LRRC45: variants seen among roughly 807,000 people sequenced by gnomAD.
LRRC45 encodes the protein leucine rich repeat containing 45, also known as leucine-rich repeat-containing protein 45.
LRRC45 carries 73 observed loss-of-function variants against 85.4 expected under a neutral mutation model. The ratio of observed to expected loss-of-function variants is 0.85; its 90% CI spans 0.71 to 1.04. LRRC45 has a LOEUF of 1.04. Ranked by LOEUF, LRRC45 falls within the 50% of genes least tolerant of loss-of-function variation. LRRC45 has a pLI of 0.00. For synonymous variants in LRRC45, 429 were observed against 386.0 expected (o/e 1.11, Z -1.31); for missense variants, 937 against 883.3 (o/e 1.06, Z -0.77).
intron 12 of LRRC45, 56 bp downstream of exon 12, chr17:82,028,739 G>C (rs2043390572): frequency 1.3e-6 from 2 of 1,547,144 alleles, no homozygotes; most frequent in African/African-American, 2.7e-5. Flanking sequence ...GTGTCACGCA[G>C]GTGTCCCCAA....
intron 1 of LRRC45, 119 bp downstream of exon 1, chr17:82,023,982 C>A: frequency 1.0e-6 from 1 of 983,318 alleles, no homozygotes; most frequent in Middle Eastern, 3.3e-4. Flanking sequence ...TTAAAGCGAG[C>A]AGGGGCGCCC....
rs1427294087 is a variant in LRRC45 at position 82,030,223 on chromosome 17, G to A, written c.1653G>A (p.Leu551=). 6 of 1,535,736 alleles carry A rather than the reference G, an allele frequency of 3.9e-6. No individual in the cohort carries two copies. In the African/African-American group the frequency reaches 4.1e-5, roughly 11 times the overall value. ...AAGTTGAGGGCCTGCGGCGGCGCCT[G>A]GAAGAGCTGCAGCAGGTAGGCGGGG... ...GLQVEGLRRR[L]EELQQELSLK... The change falls in exon 15 of 17, where the codon CTG becomes CTA. Residue 551 remains leucine (L), a synonymous_variant. Coordinates refer to ENST00000306688, the MANE Select transcript of LRRC45 (RefSeq NM_144999.4).
chr17:82,024,333 CT>C lies in LRRC45; in HGVS notation c.278del (p.Leu93Ter). ...CANTVLRFLDLKGNNLRAAGA... is the reference protein window; with the variant it reads ...CANTVLRFLDXKGNNLRAAGA... The stretch of plus-strand genomic sequence containing the variant: ...CCAACACCGTGCTGCGCTTTCTGGA[CT>C]TAAAGGTGAGATACCTGCACTCTTG... On this transcript the variant is annotated frameshift_variant, in exon 2 of 17. Coordinates refer to ENST00000306688, the MANE Select transcript of LRRC45 (RefSeq NM_144999.4). LOFTEE classifies it high-confidence loss of function. 1 of 1,612,404 alleles carries C rather than the reference CT, an allele frequency of 6.2e-7. No homozygotes were observed. The highest frequency in any genetic ancestry group is 8.5e-7 in the Non-Finnish European group (1 of 1,179,910).
At chr17:82,027,847 A>T (rs1180106609) in intron 8 of LRRC45, 96 bp downstream of exon 8, 3 of 1,536,244 alleles carry the variant, frequency 2.0e-6, no homozygotes, top group African/African-American at 1.4e-5. Context: ...TGCAAAGCAG[A>T]GGTGGGAAAT....
chr17:82,026,917 G>A lies in LRRC45; in HGVS notation c.680G>A (p.Ser227Asn). The change falls in exon 6 of 17, where the codon AGC becomes AAC. Residue 227 changes from serine (S) to asparagine (N), a missense_variant. Coordinates refer to ENST00000306688, the MANE Select transcript of LRRC45 (RefSeq NM_144999.4). ...TCTGCAGAGCAAGCCATGGGCCACAGCCAGGACCGGCTCACCACCTTCCAG... is the reference window on the plus strand; with the variant it reads ...TCTGCAGAGCAAGCCATGGGCCACAACCAGGACCGGCTCACCACCTTCCAG... ...LRAVEQAMGHSQDRLTTFQEN... is the reference protein window; with the variant it reads ...LRAVEQAMGHNQDRLTTFQEN... The A allele has an allele frequency of 6.2e-7, 1 of 1,605,944 alleles. No individual in the cohort carries two copies. The highest frequency in any genetic ancestry group is 8.5e-7 in the Non-Finnish European group (1 of 1,178,332).
In LRRC45 at chr17:82,030,445, G is replaced by T; in HGVS notation, c.1795G>T (p.Ala599Ser). The T allele has an allele frequency of 6.5e-7, 1 of 1,546,270 alleles. No homozygotes were observed. The highest frequency in any genetic ancestry group is 8.7e-7 in the Non-Finnish European group (1 of 1,146,976). The change falls in exon 16 of 17, where the codon GCC (alanine) becomes TCC (serine). Residue 599 changes from alanine to serine, a missense_variant. Ala to Ser is a moderately conservative substitution (Grantham distance 99). Coordinates refer to ENST00000306688, the MANE Select transcript of LRRC45 (RefSeq NM_144999.4). ...AQEALREKAA[A>S]LERQLKVMAS... is the part of the protein sequence containing the mutation. ...GGAGGCGCTGAGGGAGAAGGCGGCG[G>T]CCCTGGAGCGCCAGCTGAAAGGTGA... is the stretch of plus-strand genomic sequence containing the variant.
Position 82,030,966 on chromosome 17 carries a change from C to T in LRRC45, c.*161C>T. 2.1e-6 allele frequency: 1 copy of T among 486,008 alleles called. No homozygotes were observed. The highest frequency in any genetic ancestry group is 3.3e-6 in the Non-Finnish European group (1 of 305,512). 30.1% of individuals were successfully genotyped at this position (486,008 alleles called of 1,614,324 possible). The stretch of plus-strand genomic sequence containing the variant: ...GTGGTGTCGCGGCTGCGGGGGAACC[C>T]CGTGGGAGGCGCCTGGGAAGGGCTC... On this transcript the variant is annotated 3_prime_UTR_variant, in exon 17 of 17. Transcript: ENST00000306688.
At position 82,026,564 on chromosome 17, in the gene LRRC45, TTGTGTG is replaced by T. The variant is rs550616399; in HGVS notation, c.662-304_662-299del. Among the ~76,000 whole-genome samples the T allele has an allele frequency of 2.8e-3, 390 of 137,570 alleles. 3 individuals carry two copies. Among genetic ancestry groups the T allele is most frequent in the African/African-American group, 9.7e-3 (356 of 36,536 alleles). 90.3% of individuals were successfully genotyped at this position (137,570 alleles called of 152,430 possible). ...GCAGCCCCGGGGTGACACAGCTCCT[TTGTGTG>T]TGTGTGTGTGTGTGTGTGTGTGTGT... On this transcript the variant is annotated intron_variant, in intron 5 of 16. Coordinates refer to ENST00000306688, the MANE Select transcript of LRRC45 (RefSeq NM_144999.4).
intron 14 of LRRC45, 35 bp from the exon 15 acceptor site, chr17:82,030,030 C>T (rs921899669): frequency 2.0e-6 from 3 of 1,521,150 alleles, no homozygotes; most frequent in South Asian, 1.2e-5. Context: ...TCAGGCTGAG[C>T]CCCTCATGCT....
At chr17:82,027,345 T>C (rs766547805) in intron 6 of LRRC45, 41 bp from the exon 7 acceptor site, 1 of 1,610,086 alleles carries the variant, frequency 6.2e-7, no homozygotes, top group Non-Finnish European at 8.5e-7. Flanking sequence ...GTGGACAGGC[T>C]GCAGGTGCCC....
rs747788091 is a variant in LRRC45 at position 82,023,632 on chromosome 17, G to A, written c.-12G>A. ...GGAGCATGCGGAGGAGGCCCTGCCG[G>A]CCCCGCGGGTCATGGAGGAGTTCCG... On this transcript the variant is annotated 5_prime_UTR_variant, in exon 1 of 17. Coordinates refer to ENST00000306688, the MANE Select transcript of LRRC45 (RefSeq NM_144999.4). 9.3e-4 allele frequency: 1,418 copies of A among 1,519,834 alleles called. No homozygotes were observed. The highest frequency in any genetic ancestry group is 1.1e-3 in the Non-Finnish European group (1,304 of 1,136,796). 94.1% of individuals were successfully genotyped at this position (1,519,834 alleles called of 1,614,324 possible). A position where few individuals can be genotyped will look rare whatever the true frequency, so the allele number is the denominator to read the frequency against.
rs147028558 is a variant in LRRC45, at chr17:82,028,044, G to A, written c.945G>A (p.Ser315=). ...LQMTEAALAL[S]EQKAQDLGEL... is the part of the protein sequence containing the mutation. The stretch of plus-strand genomic sequence containing the variant: ...TGACAGAGGCCGCCCTGGCTCTGTC[G>A]GAGCAGAAGGCCCAGGACCTGGGGG... Residue 315 remains serine (S), a synonymous_variant, in exon 9 of 17, where the codon TCG becomes TCA. Transcript: ENST00000306688. 2,042 of 1,606,382 alleles carry A rather than the reference G, an allele frequency of 1.3e-3. 23 individuals are homozygous for A. In the African/African-American group the frequency reaches 0.025, roughly 19 times the overall value.
intron 2 of LRRC45, 109 bp downstream of exon 2, chr17:82,024,448 T>C: frequency 7.7e-7 from 1 of 1,299,172 alleles, no homozygotes. Context: ...GGCTGGAAGC[T>C]GTCTGTGAGT....
Position 82,023,659 on chromosome 17 carries a change from C to G in LRRC45, c.16C>G (p.Arg6Gly). Residue 6 changes from arginine to glycine, a missense_variant, in exon 1 of 17, where the codon CGC (arginine) becomes GGC (glycine). Physicochemically the swap from Arg to Gly is moderately radical, Grantham distance 125. Coordinates refer to ENST00000306688, the MANE Select transcript of LRRC45 (RefSeq NM_144999.4). ...CCCGCGGGTCATGGAGGAGTTCCGG[C>G]GCTCCTACAGCCGCCTGTGCAGGGA... MEEFR[R>G]SYSRLCRESG... The G allele has an allele frequency of 6.5e-7, 1 of 1,540,558 alleles. No individual in the cohort carries two copies. The highest frequency in any genetic ancestry group is 8.7e-7 in the Non-Finnish European group (1 of 1,148,824).
chr17:82,029,630 G>C lies in LRRC45; in HGVS notation c.1489G>C (p.Glu497Gln). The change falls in exon 14 of 17, where the codon GAG becomes CAG. Residue 497 changes from glutamate to glutamine, a missense_variant. Glu to Gln is a conservative substitution (Grantham distance 29). Coordinates refer to ENST00000306688, the MANE Select transcript of LRRC45 (RefSeq NM_144999.4). Reference protein sequence around the residue: ...LIKAKSQARLEEQQRLAHLED... With the variant: ...LIKAKSQARLQEQQRLAHLED... ...CAAGGCCAAGAGCCAGGCCCGCCTG[G>C]AGGAGGTGAGCCACACATGTCCGCC... 2 of 1,568,252 alleles carry C rather than the reference G, an allele frequency of 1.3e-6. No homozygotes were observed. Among genetic ancestry groups the C allele is most frequent in the Non-Finnish European group, 1.7e-6 (2 of 1,158,300 alleles).
Position 82,030,786 on chromosome 17 carries a change from C to G in LRRC45, c.1994C>G (p.Thr665Ser), listed in dbSNP as rs777532221. The change falls in exon 17 of 17, where the codon ACC (threonine) becomes AGC (serine). Residue 665 changes from threonine (T) to serine (S), a missense_variant. By Grantham distance (58) the Thr-to-Ser change is moderately conservative. Coordinates refer to ENST00000306688, the MANE Select transcript of LRRC45 (RefSeq NM_144999.4). Reference sequence around the variant, plus strand: ...TACGTGCAGGCGTCCCCCGTGAGGACCCTGAGCCCCCCAAAGTGAGACAGG... The same window carrying G: ...TACGTGCAGGCGTCCCCCGTGAGGAGCCTGAGCCCCCCAAAGTGAGACAGG... ...LAYVQASPVR[T>S]LSPPK is the part of the protein sequence containing the mutation. 1.4e-6 allele frequency: 2 copies of G among 1,386,320 alleles called. No individual in the cohort carries two copies. Among genetic ancestry groups the G allele is most frequent in the South Asian group, 3.5e-5 (2 of 56,622 alleles). The allele number at this position is 1,386,320 out of a possible 1,614,324, so 85.9% of individuals were successfully genotyped here. A position where few individuals can be genotyped will look rare whatever the true frequency, so the allele number is the denominator to read the frequency against.
intron 12 of LRRC45, 83 bp downstream of exon 12, chr17:82,028,766 G>A (rs1027674303): frequency 2.1e-6 from 3 of 1,448,548 alleles, no homozygotes; most frequent in African/African-American, 2.8e-5. Context: ...CACCTGGTGG[G>A]AGCTTCCCTT....
Position 82,028,005 on chromosome 17 carries a change from C to T in LRRC45, c.912-6C>T. The T allele has an allele frequency of 1.9e-6, 3 of 1,595,428 alleles. No individual in the cohort carries two copies. The highest frequency in any genetic ancestry group is 2.6e-6 in the Non-Finnish European group (3 of 1,172,348). On this transcript the variant is annotated splice_region_variant and splice_polypyrimidine_tract_variant and intron_variant, in intron 8 of 16. Coordinates refer to ENST00000306688, the MANE Select transcript of LRRC45 (RefSeq NM_144999.4). ...GGGGCGGGGGTGCTGCCCCTCCTTT[C>T]TGCAGGCTGCAGATGACAGAGGCCG... is the stretch of plus-strand genomic sequence containing the variant.
intron 14 of LRRC45, 96 bp downstream of exon 14, chr17:82,029,731 C>T (rs929496489): frequency 2.4e-6 from 3 of 1,249,860 alleles, no homozygotes; most frequent in Admixed American, 2.0e-5. Flanking sequence ...AGTGGGGAGG[C>T]GGGAGTGTGG....
Sources: gnomAD v4.1 joint callset for allele counts (sites outside exome capture counted in the v4.1 genomes callset) on GRCh38, gnomAD v4.1.1 for gene constraint, MANE v1.5 for transcripts, NCBI Gene and HGNC (gene_info 2026-07-23, HGNC 2026-07-21) for gene names.